The following NR2C2 variants were observed in gnomAD, a reference collection of about 807,000 sequenced individuals.
NR2C2 encodes the protein nuclear receptor subfamily 2 group C member 2, also known as Nuclear hormone receptor TR4.
In NR2C2, 6 loss-of-function variants were observed where a neutral mutation model predicts 62.9. That is an observed-to-expected ratio of 0.10 (90% CI 0.05 to 0.19). The LOEUF (loss-of-function observed/expected upper bound fraction) is 0.19, where lower values mean the gene tolerates loss of function less well. NR2C2 is among the 10% of genes least tolerant of loss of function. NR2C2 has a pLI of 1.00. For synonymous variants in NR2C2, 272 were observed against 273.8 expected (o/e 0.99, Z 0.07); for missense variants, 479 against 762.7 (o/e 0.63, Z 4.38).
intron 7 of NR2C2, among the ~76,000 whole-genome samples, chr3:15,024,908 C>T (rs772809086): frequency 2.4e-4 from 36 of 152,364 alleles, no homozygotes; most frequent in Non-Finnish European, 4.3e-4. Flanking sequence ...AGGCTTCCTC[C>T]TCATCTGTTC....
At position 15,016,343 on chromosome 3, in the gene NR2C2, G is replaced by A. The variant is rs1216546072; in HGVS notation, c.376+89G>A. On this transcript the variant is annotated intron_variant, in intron 4 of 13. Transcript: ENST00000425241. ...GGTGGGGTGGTAGTTAATTTAGAAG[G>A]ACCATTTTATGTACGTTTGTAGGTT... The A allele has an allele frequency of 4.5e-6, 4 of 889,472 alleles. No homozygotes were observed. The East Asian group carries it at 1.0e-4, about 22-fold the overall frequency. 55.1% of individuals were successfully genotyped at this position (889,472 alleles called of 1,614,324 possible). A position where few individuals can be genotyped will look rare whatever the true frequency, so the allele number is the denominator to read the frequency against.
At chr3:15,033,639 CTTTTT>C (rs58524753) in intron 10 of NR2C2, among the ~76,000 whole-genome samples, 34 of 84,828 alleles carry the variant, frequency 4.0e-4, no homozygotes, top group African/African-American at 5.4e-4. Flanking sequence ...TAACCTCAGG[CTTTTT>C]TTTTTTTTTT....
intron 1 of NR2C2, among the ~76,000 whole-genome samples, chr3:14,949,073 T>G (rs535130583): frequency 6.6e-6 from 1 of 152,334 alleles, no homozygotes; most frequent in Non-Finnish European, 1.5e-5. Flanking sequence ...CGGGAGTGAT[T>G]CTCTTCTCAT....
chr3:15,001,441 T>C (rs913516078), intron 1 of NR2C2, among the ~76,000 whole-genome samples: 5 of 150,288 alleles, frequency 3.3e-5, no homozygotes, highest in African/African-American at 1.2e-4. Context: ...TTCAAGCAAT[T>C]CTCCTGTCTC....
intron 8 of NR2C2, among the ~76,000 whole-genome samples, chr3:15,029,848 T>TAGAC (rs56252805): frequency 0.33 from 47,033 of 144,620 alleles, 8,261 homozygotes; most frequent in African/African-American, 0.42. Flanking sequence ...TAGATATAGA[T>TAGAC]AGACCCCATC....
intron 4 of NR2C2, among the ~76,000 whole-genome samples, chr3:15,016,970 G>T (rs923600367): frequency 6.6e-6 from 1 of 152,194 alleles, no homozygotes; most frequent in Non-Finnish European, 1.5e-5. Context: ...AGGCAGACAG[G>T]AAGGAATGGA....
intron 3 of NR2C2, among the ~76,000 whole-genome samples, chr3:15,015,261 C>A (rs1261954203): frequency 1.3e-5 from 2 of 152,156 alleles, no homozygotes; most frequent in East Asian, 3.9e-4. Context: ...TTATTGTTGG[C>A]TCAAGTTCAA....
intron 1 of NR2C2, among the ~76,000 whole-genome samples, chr3:14,955,742 C>T (rs1345184883): frequency 6.6e-6 from 1 of 152,170 alleles, no homozygotes; most frequent in Non-Finnish European, 1.5e-5. Context: ...TCCATCTACC[C>T]TGGCTCTTAC....
intron 3 of NR2C2, 118 bp downstream of exon 3, chr3:15,013,907 C>A: frequency 1.9e-6 from 2 of 1,048,178 alleles, no homozygotes; most frequent in Non-Finnish European, 2.9e-6. Context: ...TGGGGACCTG[C>A]AAACATGGCA....
intron 2 of NR2C2, among the ~76,000 whole-genome samples, chr3:15,005,996 A>G (rs2041163366): frequency 1.3e-5 from 2 of 152,214 alleles, no homozygotes; most frequent in African/African-American, 4.8e-5. Flanking sequence ...ACTTGAGCCC[A>G]GGAGTTCGAG....
intron 2 of NR2C2, among the ~76,000 whole-genome samples, chr3:15,005,137 CTT>C (rs942800293): frequency 2.0e-5 from 3 of 151,944 alleles, no homozygotes; most frequent in African/African-American, 4.8e-5. Flanking sequence ...CTATAGTTTT[CTT>C]TTTATTAGTG....
intron 1 of NR2C2, among the ~76,000 whole-genome samples, chr3:14,981,475 C>T (rs1338923665): frequency 2.6e-5 from 4 of 151,626 alleles, no homozygotes; most frequent in Non-Finnish European, 4.4e-5. Context: ...TGGTGGTGGG[C>T]GCCTGTACTC....
chr3:15,016,398 G>A (rs1420246264), intron 4 of NR2C2, 144 bp downstream of exon 4: 9 of 586,060 alleles, frequency 1.5e-5, no homozygotes, highest in South Asian at 4.6e-5. Flanking sequence ...TTCTTATTGG[G>A]GTAATGATGT....
At chr3:15,028,181 G>A (rs1028351980) in intron 7 of NR2C2, among the ~76,000 whole-genome samples, 23 of 152,040 alleles carry the variant, frequency 1.5e-4, no homozygotes, top group African/African-American at 5.6e-4. Context: ...TTTTAAATTG[G>A]GTTGTCTTTT....
At chr3:15,023,953 CA>C (rs1254142078) in intron 6 of NR2C2, among the ~76,000 whole-genome samples, 161 bp from the exon 7 acceptor site, 3 of 152,270 alleles carry the variant, frequency 2.0e-5, no homozygotes, top group Non-Finnish European at 2.9e-5. Flanking sequence ...TGCAGAGAGA[CA>C]GGGGTGGGGG....
intron 13 of NR2C2, among the ~76,000 whole-genome samples, chr3:15,040,383 CT>C (rs771565827): frequency 2.6e-5 from 4 of 152,176 alleles, no homozygotes; most frequent in Non-Finnish European, 4.4e-5. Context: ...CCATGTCCCC[CT>C]AAAATAAACA....
At chr3:14,981,125 T>C (rs1256392725) in intron 1 of NR2C2, among the ~76,000 whole-genome samples, 1 of 152,194 alleles carries the variant, frequency 6.6e-6, no homozygotes, top group Non-Finnish European at 1.5e-5. Flanking sequence ...TATTAAACTT[T>C]GTGCCTTGGC....
At chr3:14,957,747 TA>T (rs370646268) in intron 1 of NR2C2, among the ~76,000 whole-genome samples, 138 of 152,318 alleles carry the variant, frequency 9.1e-4, no homozygotes, top group African/African-American at 3.2e-3. Context: ...TACCACTTCC[TA>T]ACTGGCCTCC....
chr3:15,043,140 C>CT lies in NR2C2; in HGVS notation c.*133dup, dbSNP rs2042330059. The stretch of plus-strand genomic sequence containing the variant: ...CATTTCCTGTCTGGTTTCTCCTTAT[C>CT]TGTTAATCCCAGACAATAGCAATTA... On this transcript the variant is annotated 3_prime_UTR_variant, in exon 14 of 14. Coordinates refer to ENST00000425241, the MANE Select transcript of NR2C2 (RefSeq NM_001291694.2). The CT allele has an allele frequency of 2.0e-5, 15 of 757,530 alleles. No homozygotes were observed. In the South Asian group the frequency reaches 5.3e-4, roughly 27 times the overall value. The allele number at this position is 757,530 out of a possible 1,614,324, so 46.9% of individuals were successfully genotyped here. A position where few individuals can be genotyped will look rare whatever the true frequency, so the allele number is the denominator to read the frequency against.
Sources: gnomAD v4.1 joint callset for allele counts (sites outside exome capture counted in the v4.1 genomes callset) on GRCh38, gnomAD v4.1.1 for gene constraint, MANE v1.5 for transcripts, NCBI Gene and HGNC (gene_info 2026-07-23, HGNC 2026-07-21) for gene names.